The following RPS24 variants were observed in gnomAD, a reference collection of about 807,000 sequenced individuals.
RPS24 encodes the protein ribosomal protein S24, also known as small ribosomal subunit protein eS24.
For synonymous variants in RPS24, 72 were observed against 55.6 expected (o/e 1.30, Z -1.31); for missense variants, 100 against 162.5 (o/e 0.62, Z 2.09).
At chr10:78,055,770 T>G (rs746551338) in exon 5 of RPS24, 1 of 152,210 alleles carries the variant, frequency 6.6e-6, no homozygotes, top group Non-Finnish European at 1.5e-5. Flanking sequence ...CTTTTTTTTT[T>G]GAGACGGAGT....
chr10:78,037,579 C>G (rs1847899923), intron 4 of RPS24: 3 of 431,166 alleles, frequency 7.0e-6, no homozygotes, highest in Non-Finnish European at 1.2e-5. Context: ...ACCTTTCAAG[C>G]CTATCACAAG....
chr10:78,047,769 G>A (rs550130002), intron 4 of RPS24, among the ~76,000 whole-genome samples: 4 of 152,194 alleles, frequency 2.6e-5, no homozygotes, highest in Non-Finnish European at 4.4e-5. Flanking sequence ...GGCAGCTTGC[G>A]GTTTCTATTG....
chr10:78,034,750 A>C (rs1847823833), intron 1 of RPS24, among the ~76,000 whole-genome samples: 1 of 152,226 alleles, frequency 6.6e-6, no homozygotes, highest in Admixed American at 6.5e-5. Context: ...TGCTATGGCC[A>C]TTCTAGAAGG....
intron 4 of RPS24, among the ~76,000 whole-genome samples, chr10:78,049,513 G>C (rs900113739): frequency 6.6e-6 from 1 of 152,152 alleles, no homozygotes; most frequent in Non-Finnish European, 1.5e-5. Flanking sequence ...GAGCCTTCAG[G>C]GTTGGTGGAC....
chr10:78,044,797 A>T (rs1848026224), downstream of RPS24, among the ~76,000 whole-genome samples: 1 of 149,866 alleles, frequency 6.7e-6, no homozygotes, highest in African/African-American at 2.5e-5. Flanking sequence ...TAAGGATTTC[A>T]CTTGTTCAGT....
exon 5 of RPS24, chr10:78,055,838 T>G (rs1354587943): frequency 6.6e-6 from 1 of 152,428 alleles, no homozygotes; most frequent in Non-Finnish European, 1.5e-5. Flanking sequence ...CTGCAACCTC[T>G]GCTTCCCAGG....
At chr10:78,050,606 C>A (rs1351752239) in intron 4 of RPS24, among the ~76,000 whole-genome samples, 2 of 152,172 alleles carry the variant, frequency 1.3e-5, no homozygotes, top group African/African-American at 4.8e-5. Flanking sequence ...ACCACCACCA[C>A]CTAATTTTTA....
intron 3 of RPS24, chr10:78,036,660 T>C (rs1243278522): frequency 6.3e-6 from 1 of 158,068 alleles, no homozygotes; most frequent in Admixed American, 6.1e-5. Context: ...GCTGAGGTGG[T>C]GACATTGAAG....
Position 78,047,711 on chromosome 10 carries a change from T to C in RPS24, c.391-6820T>C, listed in dbSNP as rs189132660. Among the ~76,000 whole-genome samples the C allele has an allele frequency of 2.0e-5, 3 of 152,330 alleles. No homozygotes were observed. In the East Asian group the frequency reaches 5.8e-4, roughly 29 times the overall value. ...CTACCCATCCGTGCTGCGAGGTCTCTGCAGATCCTGTGCAAACAGCATTCC... is the reference window on the plus strand; with the variant it reads ...CTACCCATCCGTGCTGCGAGGTCTCCGCAGATCCTGTGCAAACAGCATTCC... On this transcript the variant is annotated intron_variant, in intron 4 of 4. Coordinates refer to the RPS24 transcript ENST00000440692.
intron 3 of RPS24, 41 bp downstream of exon 3, chr10:78,035,761 A>AT: frequency 6.7e-7 from 1 of 1,498,348 alleles, no homozygotes. Flanking sequence ...CTGAAGACCT[A>AT]TTTTTTCAAT....
At chr10:78,043,170 A>AT (rs1256720556), downstream of RPS24, among the ~76,000 whole-genome samples, 4 of 151,902 alleles carry the variant, frequency 2.6e-5, no homozygotes, top group Admixed American at 2.6e-4. Flanking sequence ...TGCCCGGGTA[A>AT]TTTTTTGTAT....
intron 1 of RPS24, 41 bp downstream of exon 1, chr10:78,033,945 C>G: frequency 1.2e-6 from 2 of 1,613,280 alleles, no homozygotes; most frequent in South Asian, 2.2e-5. Flanking sequence ...GCCGCGTATC[C>G]GAGCCATCCG....
chr10:78,034,600 T>C (rs1171832290), intron 1 of RPS24, among the ~76,000 whole-genome samples: 1 of 152,220 alleles, frequency 6.6e-6, no homozygotes, highest in East Asian at 1.9e-4. Flanking sequence ...TAGGAAGTTA[T>C]TTGCTGCCAT....
intron 4 of RPS24, among the ~76,000 whole-genome samples, chr10:78,049,698 TGCAAGGTCA>T (rs1307466287): frequency 6.6e-6 from 1 of 152,178 alleles, no homozygotes; most frequent in East Asian, 1.9e-4. Context: ...GTGGTGCTAG[TGCAAGGTCA>T]GCATCTCCTT....
intron 4 of RPS24, among the ~76,000 whole-genome samples, chr10:78,051,612 C>G (rs1848099604): frequency 6.6e-6 from 1 of 152,198 alleles, no homozygotes; most frequent in African/African-American, 2.4e-5. Flanking sequence ...GGTGGAATTG[C>G]TGGGCCTTAT....
chr10:78,047,461 A>C (rs1029454871), intron 4 of RPS24, among the ~76,000 whole-genome samples: 2 of 152,156 alleles, frequency 1.3e-5, no homozygotes, highest in Admixed American at 1.3e-4. Flanking sequence ...GCAGACTCCC[A>C]CAAGGGGGCA....
In RPS24 at chr10:78,033,881, G is replaced by C; in HGVS notation, c.-21G>C. The C allele has an allele frequency of 2.5e-6, 4 of 1,614,048 alleles. No individual in the cohort carries two copies. The highest frequency in any genetic ancestry group is 2.5e-6 in the Non-Finnish European group (3 of 1,179,956). Reference sequence around the variant, plus strand: ...CGTGGTTCTCTTTTCCTCCTTGGCTGTCTGAAGATAGATCGCCATCATGGT... The same window carrying C: ...CGTGGTTCTCTTTTCCTCCTTGGCTCTCTGAAGATAGATCGCCATCATGGT... On this transcript the variant is annotated 5_prime_UTR_variant, in exon 1 of 6. Transcript: ENST00000372360.
At chr10:78,054,342 T>C (rs959586285) in intron 4 of RPS24, among the ~76,000 whole-genome samples, 2 of 152,140 alleles carry the variant, frequency 1.3e-5, no homozygotes, top group African/African-American at 4.8e-5. Flanking sequence ...AGGCTTGAAC[T>C]CCTGCAGGTA....
chr10:78,044,685 G>T (rs1056045800), downstream of RPS24, among the ~76,000 whole-genome samples: 3 of 151,156 alleles, frequency 2.0e-5, no homozygotes, highest in African/African-American at 4.9e-5. Context: ...CTGCCTCCCA[G>T]TGCCCACAGT....
Sources: gnomAD v4.1 joint callset for allele counts (sites outside exome capture counted in the v4.1 genomes callset) on GRCh38, gnomAD v4.1.1 for gene constraint, MANE v1.5 for transcripts, NCBI Gene and HGNC (gene_info 2026-07-23, HGNC 2026-07-21) for gene names.